The following RPA3 variants were observed in gnomAD, a reference collection of about 807,000 sequenced individuals.
RPA3 encodes replication protein A3.
RPA3 carries 24 observed loss-of-function variants against 13.7 expected under a neutral mutation model. The ratio of observed to expected loss-of-function variants is 1.75; its 90% confidence interval spans 1.27 to 2.46. The LOEUF (loss-of-function observed/expected upper bound fraction) is 2.46. RPA3 is among the 30% of genes most tolerant of loss of function. RPA3 has a pLI of 0.00. For missense variants in RPA3, 183 were observed against 151.0 expected, an observed-to-expected ratio of 1.21 and a Z score of -1.11; for synonymous variants, 59 against 51.2, an observed-to-expected ratio of 1.15 and a Z score of -0.65.
intron 2 of RPA3, among the ~76,000 whole-genome samples, chr7:7,691,744 T>C (rs1358458817): frequency 6.6e-6 from 1 of 152,238 alleles, no homozygotes; most frequent in Admixed American, 6.5e-5. Context: ...CCTAATTTAT[T>C]CTAATCTTTA....
chr7:7,707,666 T>C (rs1005836828), intron 2 of RPA3, among the ~76,000 whole-genome samples: 1 of 152,238 alleles, frequency 6.6e-6, no homozygotes, highest in Non-Finnish European at 1.5e-5. Context: ...TTTAGTTTTC[T>C]GTGATCCAAA....
intron 4 of RPA3, among the ~76,000 whole-genome samples, chr7:7,668,940 C>G (rs542188207): frequency 6.6e-6 from 1 of 152,142 alleles, no homozygotes; most frequent in African/African-American, 2.4e-5. Context: ...CAGAAAGGAA[C>G]CATGTAGACA....
chr7:7,670,613 T>C (rs906008252), intron 4 of RPA3, among the ~76,000 whole-genome samples: 4 of 152,194 alleles, frequency 2.6e-5, no homozygotes, highest in African/African-American at 9.6e-5. Flanking sequence ...CATTCAGATA[T>C]AGCATCATGC....
chr7:7,684,018 C>T (rs1192890099), intron 4 of RPA3, among the ~76,000 whole-genome samples: 1 of 152,212 alleles, frequency 6.6e-6, no homozygotes, highest in Admixed American at 6.5e-5. Flanking sequence ...CATTGACGCT[C>T]AACGCTCTGA....
chr7:7,674,872 A>G (rs867930522), intron 4 of RPA3, among the ~76,000 whole-genome samples: 1 of 152,148 alleles, frequency 6.6e-6, no homozygotes, highest in African/African-American at 2.4e-5. Context: ...GAGTTTCACA[A>G]TAAATTCTTC....
At chr7:7,650,747 C>G (rs1236724375) in intron 4 of RPA3, among the ~76,000 whole-genome samples, 1 of 152,196 alleles carries the variant, frequency 6.6e-6, no homozygotes, top group Non-Finnish European at 1.5e-5. Context: ...CCAGAATGGT[C>G]CACCTAAAAT....
intron 2 of RPA3, among the ~76,000 whole-genome samples, chr7:7,709,768 A>G (rs1347660731): frequency 2.7e-5 from 4 of 150,500 alleles, no homozygotes; most frequent in Non-Finnish European, 6.0e-5. Flanking sequence ...AATTTGAAAA[A>G]TAACCTTTTA....
At chr7:7,649,418 G>A (rs1299976775) in intron 4 of RPA3, among the ~76,000 whole-genome samples, 1 of 152,136 alleles carries the variant, frequency 6.6e-6, no homozygotes, top group Non-Finnish European at 1.5e-5. Flanking sequence ...TGAGGTCAGA[G>A]CTCTCATAAC....
Position 7,665,299 on chromosome 7 carries a change from T to C in RPA3, c.-758+20531A>G, listed in dbSNP as rs146369691. On this transcript the variant is annotated intron_variant, in intron 4 of 7. Coordinates refer to ENST00000223129, the MANE Select transcript of RPA3 (RefSeq NM_002947.5). ...AATAGGATCTGCCCTGCTAAGCAAT[T>C]AGGCAGGCCCTTTTATACGCAGTCT... Among the ~76,000 whole-genome samples, 27 of 152,336 alleles carry C rather than the reference T, an allele frequency of 1.8e-4. No individual in the cohort carries two copies. In the East Asian group the frequency reaches 4.2e-3, roughly 24 times the overall value.
intron 4 of RPA3, among the ~76,000 whole-genome samples, chr7:7,662,269 G>A (rs920552406): frequency 1.3e-5 from 2 of 152,170 alleles, no homozygotes; most frequent in Non-Finnish European, 1.5e-5. Context: ...GATCCACTGA[G>A]CTAGACCACT....
At chr7:7,687,413 C>G (rs949854889) in intron 2 of RPA3, 85 bp from the exon 3 acceptor site, 1 of 152,256 alleles carries the variant, frequency 6.6e-6, no homozygotes, top group Non-Finnish European at 1.5e-5. Flanking sequence ...GAGAATGATT[C>G]TGAGGTAGCA....
chr7:7,646,809 T>C (rs573106408), intron 4 of RPA3, among the ~76,000 whole-genome samples: 49 of 152,238 alleles, frequency 3.2e-4, no homozygotes, highest in Non-Finnish European at 6.3e-4. Flanking sequence ...TCTCCTCTGC[T>C]GCACCATTCT....
At position 7,646,072 on chromosome 7, in the gene RPA3, G is replaced by A. The variant is rs560030918; in HGVS notation, c.-757-4897C>T. On this transcript the variant is annotated intron_variant, in intron 4 of 7. Coordinates refer to ENST00000223129, the MANE Select transcript of RPA3 (RefSeq NM_002947.5). ...TTTGGGCCTCCAGCCCCATGGCAGT[G>A]TCTAGGGGCGTTACAGTGCTCTTTT... Among the ~76,000 whole-genome samples the A allele has an allele frequency of 5.9e-5, 9 of 152,288 alleles. No homozygotes were observed. In the South Asian group the frequency reaches 1.4e-3, roughly 25 times the overall value.
chr7:7,654,062 G>A (rs1193669947), intron 4 of RPA3, among the ~76,000 whole-genome samples: 1 of 152,130 alleles, frequency 6.6e-6, no homozygotes, highest in Non-Finnish European at 1.5e-5. Context: ...AGAAGCAGTA[G>A]AGAAAAAAGC....
intron 4 of RPA3, among the ~76,000 whole-genome samples, chr7:7,645,970 CTCGGCTGCCGTGTACTCAAACCCCT>C (rs1203475130): frequency 6.6e-6 from 1 of 152,102 alleles, no homozygotes; most frequent in Non-Finnish European, 1.5e-5. Context: ...GGCTCGTTTG[CTCGGCTGCCGTGTACTCAAACCCCT>C]TACGGGAGAG....
chr7:7,712,706 T>C (rs569675085), intron 2 of RPA3, among the ~76,000 whole-genome samples: 1 of 152,336 alleles, frequency 6.6e-6, no homozygotes, highest in East Asian at 1.9e-4. Context: ...ACCTCTAGTA[T>C]GTTGAAGAGA....
chr7:7,649,345 T>C (rs903741843), intron 4 of RPA3, among the ~76,000 whole-genome samples: 1 of 152,020 alleles, frequency 6.6e-6, no homozygotes. Context: ...TAATGCTTTT[T>C]TTCAGGAAAC....
At chr7:7,685,652 G>A (rs1219649214) in intron 4 of RPA3, among the ~76,000 whole-genome samples, 178 bp downstream of exon 4, 1 of 151,988 alleles carries the variant, frequency 6.6e-6, no homozygotes, top group African/African-American at 2.4e-5. Flanking sequence ...TTTAAGTGTT[G>A]GCCCACTTGG....
chr7:7,703,103 A>G (rs1036916005), intron 2 of RPA3, among the ~76,000 whole-genome samples: 10 of 152,172 alleles, frequency 6.6e-5, no homozygotes, highest in South Asian at 4.1e-4. Flanking sequence ...CCAAACCTTC[A>G]CTGAATGACT....
Sources: allele counts gnomAD v4.1 joint callset (sites outside exome capture counted in the v4.1 genomes callset), GRCh38; gene constraint gnomAD v4.1.1; transcripts MANE v1.5; gene names NCBI Gene and HGNC (gene_info 2026-07-23, HGNC 2026-07-21).